SMARCD3: variants seen among roughly 807,000 people sequenced by gnomAD.
The protein encoded by SMARCD3 is SWI/SNF-related matrix-associated actin-dependent regulator of chromatin subfamily D member 3.
A neutral mutation model predicts 58.0 loss-of-function variants in SMARCD3; 14 were observed. The observed-to-expected ratio is 0.24, with a 90% CI of 0.16 to 0.38. SMARCD3 has a LOEUF of 0.38. Among genes scored for constraint, SMARCD3 ranks in the 10% least tolerant of loss-of-function variants. The pLI, the probability that SMARCD3 is intolerant of heterozygous loss-of-function variation, is 1.00. For synonymous variants in SMARCD3, 253 were observed against 253.8 expected, an observed-to-expected ratio of 1.00 and a Z score of 0.03; for missense variants, 408 against 636.9, an observed-to-expected ratio of 0.64 and a Z score of 3.87.
At chr7:151,251,716 C>T (rs1021545887), upstream of SMARCD3, among the ~76,000 whole-genome samples, 1 of 151,996 alleles carries the variant, frequency 6.6e-6, no homozygotes, top group African/African-American at 2.4e-5. Flanking sequence ...GGGGCGAGGG[C>T]GGCCGCCCGG....
intron 2 of SMARCD3, among the ~76,000 whole-genome samples, chr7:151,262,080 C>G (rs187681575): frequency 1.3e-5 from 2 of 149,440 alleles, no homozygotes; most frequent in Admixed American, 1.3e-4. Flanking sequence ...AGCACATCCA[C>G]TGCACTTCAA....
intron 2 of SMARCD3, among the ~76,000 whole-genome samples, chr7:151,274,429 C>T (rs1795277008): frequency 6.6e-6 from 1 of 152,230 alleles, no homozygotes; most frequent in Non-Finnish European, 1.5e-5. Flanking sequence ...CCTCTCACTC[C>T]TTGAGGAGGA....
At chr7:151,270,517 TG>T (rs1563696290) in intron 2 of SMARCD3, among the ~76,000 whole-genome samples, 1 of 152,144 alleles carries the variant, frequency 6.6e-6, no homozygotes, top group Non-Finnish European at 1.5e-5. Flanking sequence ...TTAGCCTCTT[TG>T]GTAGGTGCTG....
chr7:151,270,751 T>C (rs1271198875), intron 2 of SMARCD3, among the ~76,000 whole-genome samples: 1 of 151,854 alleles, frequency 6.6e-6, no homozygotes, highest in Admixed American at 6.6e-5. Flanking sequence ...CAAATCAGAT[T>C]TGTGTTTAGG....
chr7:151,276,569 G>C (rs1355569912), intron 1 of SMARCD3: 1 of 138,946 alleles, frequency 7.2e-6, no homozygotes, highest in African/African-American at 2.8e-5. Flanking sequence ...TGGTGTCACA[G>C]AGGGGCTGAA....
chr7:151,239,343 G>A lies in SMARCD3; in HGVS notation c.1398+53C>T. 1.4e-6 allele frequency: 2 copies of A among 1,477,698 alleles called. No individual in the cohort carries two copies. The highest frequency in any genetic ancestry group is 1.9e-6 in the Non-Finnish European group (2 of 1,057,006). 91.5% of individuals were successfully genotyped at this position (1,477,698 alleles called of 1,614,324 possible). A position where few individuals can be genotyped will look rare whatever the true frequency, so the allele number is the denominator to read the frequency against. On this transcript the variant is annotated intron_variant, in intron 12 of 12. Coordinates refer to ENST00000262188, the MANE Select transcript of SMARCD3 (RefSeq NM_001003801.2). This position sits in a 1 kb window ranked among gnomAD's most constrained non-coding sequence, Gnocchi z 7.0. ...GGCTGCCCACAAGCTGAACAGGGAGGTTTCTCTTGGAGTTGAGGATGGGGA... is the reference window on the plus strand; with the variant it reads ...GGCTGCCCACAAGCTGAACAGGGAGATTTCTCTTGGAGTTGAGGATGGGGA...
chr7:151,260,976 A>C (rs1401462953), intron 2 of SMARCD3, among the ~76,000 whole-genome samples: 1 of 152,204 alleles, frequency 6.6e-6, no homozygotes, highest in Non-Finnish European at 1.5e-5. Flanking sequence ...GTAACTCAGC[A>C]GACTTTACTC....
chr7:151,262,114 G>A (rs1803937670), intron 2 of SMARCD3, among the ~76,000 whole-genome samples: 1 of 151,738 alleles, frequency 6.6e-6, no homozygotes, highest in African/African-American at 2.4e-5. Flanking sequence ...TTGAGACAGG[G>A]TTTTGCTCTG....
At position 151,246,292 on chromosome 7, in the gene SMARCD3, G is replaced by A. The variant is rs219232; in HGVS notation, c.79-621C>T. On this transcript the variant is annotated intron_variant, in intron 1 of 12. Transcript: ENST00000262188. This position sits in a 1 kb window ranked among gnomAD's most constrained non-coding sequence, Gnocchi z 4.4. The stretch of plus-strand genomic sequence containing the variant: ...CTCACTAGCTCATCTCAGCCACTCT[G>A]CTCCCTGTGTCCCTGCTTTTGACCC... The A allele has an allele frequency of 0.082, 12,548 of 152,974 alleles. 709 individuals are homozygous for A. The highest frequency in any genetic ancestry group is 0.11 in the Non-Finnish European group (7,777 of 68,510). The allele number at this position is 152,974 out of a possible 1,614,324, so 9.5% of individuals were successfully genotyped here. A position where few individuals can be genotyped will look rare whatever the true frequency, so the allele number is the denominator to read the frequency against.
chr7:151,270,073 C>T (rs963155551), intron 2 of SMARCD3, among the ~76,000 whole-genome samples: 6 of 152,146 alleles, frequency 3.9e-5, no homozygotes, highest in Non-Finnish European at 2.9e-5. Flanking sequence ...CGAAAGCTGC[C>T]TCCAAATGTT....
upstream of SMARCD3, among the ~76,000 whole-genome samples, chr7:151,249,734 A>G (rs1803449290): frequency 6.6e-6 from 1 of 150,458 alleles, no homozygotes; most frequent in African/African-American, 2.4e-5. This position sits in a 1 kb window ranked among gnomAD's most constrained non-coding sequence, Gnocchi z 4.8. Flanking sequence ...CGGCCTCAAG[A>G]CCCCAAAGAG....
chr7:151,267,578 T>G (rs1030271748), intron 2 of SMARCD3, among the ~76,000 whole-genome samples: 1 of 152,256 alleles, frequency 6.6e-6, no homozygotes, highest in Admixed American at 6.5e-5. Context: ...TTATGAGCAC[T>G]GCTTCTCAAA....
upstream of SMARCD3, chr7:151,248,791 T>A: frequency 3.0e-6 from 2 of 669,408 alleles, no homozygotes; most frequent in South Asian, 6.6e-5. This position sits in a 1 kb window ranked among gnomAD's most constrained non-coding sequence, Gnocchi z 6.1. Context: ...GCCGCATTCC[T>A]GCACTGATAA....
chr7:151,270,071 G>A (rs1014357127), intron 2 of SMARCD3, among the ~76,000 whole-genome samples: 4 of 152,178 alleles, frequency 2.6e-5, no homozygotes, highest in African/African-American at 9.7e-5. Context: ...TGCGAAAGCT[G>A]CCTCCAAATG....
chr7:151,255,831 GT>G (rs1259192208), intron 2 of SMARCD3, among the ~76,000 whole-genome samples: 1 of 151,180 alleles, frequency 6.6e-6, no homozygotes, highest in Non-Finnish European at 1.5e-5. Context: ...TCTCCTGGTT[GT>G]TTTGACGGTG....
chr7:151,239,571 T>C lies in SMARCD3; in HGVS notation c.1296+53A>G, dbSNP rs1802848067. On this transcript the variant is annotated intron_variant, in intron 11 of 12. Transcript: ENST00000262188. The surrounding 1 kb of genome is among the most constrained non-coding windows in gnomAD (Gnocchi z 7.0). ...CCCCTGGAGTACAACGTTTACTCTC[T>C]TTCCCGCTGTGCTTGTCTTCCACTC... 1 of 1,613,210 alleles carries C rather than the reference T, an allele frequency of 6.2e-7. No individual in the cohort carries two copies. The highest frequency in any genetic ancestry group is 1.1e-5 in the South Asian group (1 of 91,060).
chr7:151,263,465 C>T (rs1803982144), intron 2 of SMARCD3, among the ~76,000 whole-genome samples: 2 of 152,278 alleles, frequency 1.3e-5, no homozygotes, highest in African/African-American at 4.8e-5. Flanking sequence ...CAGGTTCCAC[C>T]TTGGAGAATG....
At chr7:151,269,391 G>A (rs1795090987) in intron 2 of SMARCD3, among the ~76,000 whole-genome samples, 1 of 152,190 alleles carries the variant, frequency 6.6e-6, no homozygotes, top group Non-Finnish European at 1.5e-5. Context: ...CCCACCCTGA[G>A]CCATCTCCAG....
rs1045907266 is a variant in SMARCD3 at position 151,246,827 on chromosome 7, C to T, written c.79-1156G>A. On this transcript the variant is annotated intron_variant, in intron 1 of 12. Transcript: ENST00000262188. The surrounding 1 kb of genome is among the most constrained non-coding windows in gnomAD (Gnocchi z 4.4). ...TTCAGGGGCTGTGAAACAGAAAGAG[C>T]GGGGTGGGATGGGGACTGGGACCAC... Among the ~76,000 whole-genome samples, 65 of 152,092 alleles carry T rather than the reference C, an allele frequency of 4.3e-4. No homozygotes were observed. Among genetic ancestry groups the T allele is most frequent in the African/African-American group, 1.5e-3 (64 of 41,474 alleles).
Sources: gnomAD v4.1 joint callset for allele counts (sites outside exome capture counted in the v4.1 genomes callset) on GRCh38, gnomAD v4.1.1 for gene constraint, Gnocchi (gnomAD v3.1) non-coding constraint, MANE v1.5 for transcripts, NCBI Gene and HGNC (gene_info 2026-07-23, HGNC 2026-07-21) for gene names.